MID1: variants seen among roughly 807,000 people sequenced by gnomAD.
The protein encoded by MID1 is midline 1.
In MID1, 7 loss-of-function variants were observed where a neutral mutation model predicts 40.4. The observed-to-expected ratio is 0.17, with a 90% CI of 0.10 to 0.33. The LOEUF (loss-of-function observed/expected upper bound fraction) is 0.33, where lower values mean the gene tolerates loss of function less well. Ranked by LOEUF, MID1 falls within the 10% of genes least tolerant of loss-of-function variation. MID1 has a pLI of 1.00. For synonymous variants in MID1, 229 were observed against 221.2 expected, an observed-to-expected ratio of 1.04 and a Z score of -0.31; for missense variants, 367 against 558.5, an observed-to-expected ratio of 0.66 and a Z score of 3.46.
chrX:10,743,201 T>C (rs958284889), intron 1 of MID1, among the ~76,000 whole-genome samples: 7 of 112,296 alleles, frequency 6.2e-5, no homozygotes, highest in Non-Finnish European at 1.1e-4. Flanking sequence ...GTTGTTTTTA[T>C]GATCTGCGTT....
intron 3 of MID1, among the ~76,000 whole-genome samples, chrX:10,497,431 T>C (rs1470905263): frequency 1.8e-5 from 2 of 112,017 alleles, no homozygotes; most frequent in Non-Finnish European, 3.8e-5. Flanking sequence ...ACTCTCAGTA[T>C]CTGATTGGGT....
intron 3 of MID1, among the ~76,000 whole-genome samples, chrX:10,498,848 CTTCT>C (rs1469644348): frequency 3.6e-5 from 4 of 112,142 alleles, no homozygotes; most frequent in African/African-American, 1.3e-4. Context: ...CTTTTTATCT[CTTCT>C]TTAATAGATG....
chrX:10,567,329 G>A lies in MID1; in HGVS notation c.219C>T (p.Leu73=), dbSNP rs1934592855. 8.4e-7 allele frequency: 1 copy of A among 1,193,542 alleles called. No individual in the cohort carries two copies. The highest frequency in any genetic ancestry group is 1.1e-6 in the Non-Finnish European group (1 of 884,791). The part of the protein sequence containing the change: ...ITLSQRGLDG[L]KRNVTLQNII... ...TGTTCTGTAGGGTGACGTTGCGCTT[G>A]AGCCCGTCTAGACCTCGCTGGCTGA... Residue 73 remains leucine (L), a synonymous_variant, in exon 2 of 10, where the codon CTC becomes CTT. Coordinates refer to ENST00000317552, the MANE Select transcript of MID1 (RefSeq NM_000381.4).
intron 1 of MID1, among the ~76,000 whole-genome samples, chrX:10,750,408 G>A (rs2043589542): frequency 9.0e-6 from 1 of 110,837 alleles, no homozygotes; most frequent in African/African-American, 3.3e-5. Flanking sequence ...GAGGCAGGCA[G>A]ATCACTTGAG....
intron 1 of MID1, among the ~76,000 whole-genome samples, chrX:10,578,846 G>A (rs1177741691): frequency 8.9e-6 from 1 of 112,104 alleles, no homozygotes; most frequent in East Asian, 2.8e-4. Flanking sequence ...ACCAGTCACA[G>A]ATGAAAAGCT....
At chrX:10,616,498 T>C (rs7892539) in intron 1 of MID1, among the ~76,000 whole-genome samples, 15,303 of 111,157 alleles carry the variant, frequency 0.14, 1,677 homozygotes, top group African/African-American at 0.37. Context: ...CTAAATCCCC[T>C]CCTTTCACCA....
At chrX:10,801,360 T>A (rs1315190392) in intron 1 of MID1, among the ~76,000 whole-genome samples, 1 of 111,839 alleles carries the variant, frequency 8.9e-6, no homozygotes, top group Non-Finnish European at 1.9e-5. Context: ...ATAAACAAAA[T>A]ACAGAGATTT....
chrX:10,691,186 T>C (rs2043129654), intron 1 of MID1, among the ~76,000 whole-genome samples: 1 of 112,438 alleles, frequency 8.9e-6, no homozygotes, highest in Admixed American at 9.4e-5. Flanking sequence ...TAATAGTGCA[T>C]TTTATTTAAC....
chrX:10,590,969 T>A (rs1280302775), intron 1 of MID1, among the ~76,000 whole-genome samples: 2 of 111,945 alleles, frequency 1.8e-5, no homozygotes, highest in Non-Finnish European at 3.8e-5. Flanking sequence ...TGAAATGCAT[T>A]TTAAGTGTGA....
chrX:10,459,041 T>C (rs1041891161), intron 8 of MID1, among the ~76,000 whole-genome samples: 1 of 111,301 alleles, frequency 9.0e-6, no homozygotes, highest in African/African-American at 3.3e-5. Context: ...GCCAGACCAT[T>C]CTCTGTGATG....
downstream of MID1, chrX:10,445,508 A>G (rs1927996475): frequency 8.9e-6 from 1 of 112,323 alleles, no homozygotes; most frequent in African/African-American, 3.2e-5. Flanking sequence ...CATAACTGCA[A>G]AAACACAAAA....
At chrX:10,754,316 G>GTTTTTTTTTTT (rs1210089624) in intron 1 of MID1, among the ~76,000 whole-genome samples, 1 of 105,408 alleles carries the variant, frequency 9.5e-6, no homozygotes, top group African/African-American at 3.9e-5. Flanking sequence ...TTTGTTTTTT[G>GTTTTTTTTTTT]TTTTTTGTTT....
chrX:10,699,618 G>A (rs1027170052), intron 1 of MID1, among the ~76,000 whole-genome samples: 2 of 111,331 alleles, frequency 1.8e-5, no homozygotes, highest in Non-Finnish European at 3.8e-5. Flanking sequence ...CCTTTTTCCT[G>A]AGTAATTATG....
intron 1 of MID1, among the ~76,000 whole-genome samples, chrX:10,722,497 G>C: frequency 8.9e-6 from 1 of 112,240 alleles, no homozygotes; most frequent in Non-Finnish European, 1.9e-5. Context: ...AACCAAACCA[G>C]TGATGAAAGC....
At chrX:10,644,399 T>G (rs906891195) in intron 1 of MID1, among the ~76,000 whole-genome samples, 8 of 110,492 alleles carry the variant, frequency 7.2e-5, no homozygotes, top group African/African-American at 2.6e-4. Context: ...ATCTCCCTAT[T>G]TTATCCGTCC....
chrX:10,679,441 T>A (rs1451349467), intron 1 of MID1, among the ~76,000 whole-genome samples: 1 of 112,075 alleles, frequency 8.9e-6, no homozygotes, highest in Admixed American at 9.4e-5. Context: ...CATCCTCTTA[T>A]GTCAGGAGTG....
rs374851071 is a variant in MID1 at position 10,567,298 on chromosome X, C to T, written c.250G>A (p.Asp84Asn). ...KRNVTLQNII[D>N]RFQKASVSGP... is the part of the protein sequence containing the mutation. ...CTCACTGATGCTTTCTGGAACCTGT[C>T]GATGATGTTCTGTAGGGTGACGTTG... Residue 84 changes from aspartate to asparagine, a missense_variant, in exon 2 of 10, where the codon GAC becomes AAC. By Grantham distance (23) the Asp-to-Asn change is conservative. Around this residue, in one of 3 missense-constraint regions of MID1, gnomAD observed 78 missense variants for 112.6 expected, o/e 0.69. Coordinates refer to ENST00000317552, the MANE Select transcript of MID1 (RefSeq NM_000381.4). The T allele has an allele frequency of 3.2e-5, 38 of 1,195,942 alleles. No homozygotes were observed. Among genetic ancestry groups the T allele is most frequent in the South Asian group, 2.9e-4 (16 of 54,307 alleles).
chrX:10,599,334 C>T (rs1935473227), intron 1 of MID1, among the ~76,000 whole-genome samples: 1 of 112,384 alleles, frequency 8.9e-6, no homozygotes, highest in African/African-American at 3.2e-5. Context: ...TTTCTTTCTA[C>T]ATCTAGAACG....
At chrX:10,567,697 A>C in intron 1 of MID1, 94 bp from the exon 2 acceptor site, 1 of 554,678 alleles carries the variant, frequency 1.8e-6, no homozygotes, top group East Asian at 3.5e-5. Context: ...TTCCAAACAC[A>C]GGTCATGAAA....
Sources: gnomAD v4.1 joint callset for allele counts (sites outside exome capture counted in the v4.1 genomes callset) on GRCh38, gnomAD v4.1.1 for gene constraint, gnomAD v4.1.1 regional missense constraint, MANE v1.5 for transcripts, NCBI Gene and HGNC (gene_info 2026-07-23, HGNC 2026-07-21) for gene names.